Variants in KLF10 observed in about 807,000 individuals in gnomAD.
The protein encoded by KLF10 is KLF transcription factor 10.
In KLF10, 17 loss-of-function variants were observed where a neutral mutation model predicts 31.6. The observed-to-expected ratio is 0.54, with a 90% CI of 0.37 to 0.81. The LOEUF is 0.81. Among genes scored for constraint, KLF10 ranks in the 30% least tolerant of loss-of-function variants. KLF10 has a pLI of 0.00. For synonymous variants in KLF10, 239 were observed against 215.1 expected, an observed-to-expected ratio of 1.11 and a Z score of -0.97; for missense variants, 525 against 598.1, an observed-to-expected ratio of 0.88 and a Z score of 1.27.
chr8:102,653,778 A>G, intron 1 of KLF10: 1 of 1,089,254 alleles, frequency 9.2e-7, no homozygotes, highest in Non-Finnish European at 1.1e-6. Flanking sequence ...GGCGGCAGGG[A>G]AAGAGAGCGT....
chr8:102,651,863 G>GA lies in KLF10; in HGVS notation c.468dup (p.Arg157SerfsTer5). The GA allele has an allele frequency of 6.2e-7, 1 of 1,614,178 alleles. No homozygotes were observed. The highest frequency in any genetic ancestry group is 8.5e-7 in the Non-Finnish European group (1 of 1,180,032). ...CATAGCTGGGCATCAGCTGTATGACGAATCACACTTGTTGCCTGAGCTTTG... is the reference window on the plus strand; with the variant it reads ...CATAGCTGGGCATCAGCTGTATGACGAAATCACACTTGTTGCCTGAGCTTTG... On this transcript the variant is annotated frameshift_variant, in exon 3 of 4. Coordinates refer to ENST00000285407, the MANE Select transcript of KLF10 (RefSeq NM_005655.4). LOFTEE classifies it high-confidence loss of function.
Position 102,652,195 on chromosome 8 carries a change from C to A in KLF10, c.239G>T (p.Gly80Val). 2 of 1,603,940 alleles carry A rather than the reference C, an allele frequency of 1.2e-6. No homozygotes were observed. Among genetic ancestry groups the A allele is most frequent in the South Asian group, 1.1e-5 (1 of 89,458 alleles). The change falls in exon 2 of 4, where the codon GGA becomes GTA. Residue 80 changes from glycine (G) to valine (V), a missense_variant. Around this residue, in one of 3 missense-constraint regions of KLF10, gnomAD observed 434 missense variants for 450.7 expected, o/e 0.96. Coordinates refer to ENST00000285407, the MANE Select transcript of KLF10 (RefSeq NM_005655.4). Reference sequence around the variant, plus strand: ...TGGGATTGTATGAAAATCAGGTGTTCCCGGAAGCAGATTCTCTTCCTCTGA... The same window carrying A: ...TGGGATTGTATGAAAATCAGGTGTTACCGGAAGCAGATTCTCTTCCTCTGA... ...DLSEEENLLPGTPDFHTIPAF... is the reference protein window; with the variant it reads ...DLSEEENLLPVTPDFHTIPAF...
At chr8:102,652,724 T>C (rs1377533129) in intron 1 of KLF10, among the ~76,000 whole-genome samples, 1 of 152,144 alleles carries the variant, frequency 6.6e-6, no homozygotes, top group Non-Finnish European at 1.5e-5. Context: ...AGACGAAAAT[T>C]ATCAATGCAT....
chr8:102,654,927 G>A (rs1364340095), intron 1 of KLF10, among the ~76,000 whole-genome samples: 1 of 152,094 alleles, frequency 6.6e-6, no homozygotes, highest in East Asian at 1.9e-4. Flanking sequence ...TCGTCCCCCA[G>A]GGCTGTCGGC....
Position 102,651,786 on chromosome 8 carries a change from G to A in KLF10, c.546C>T (p.Asn182=). Residue 182 remains asparagine (N), a synonymous_variant, in exon 3 of 4, where the codon AAC becomes AAT. Transcript: ENST00000285407. ...GGTGGGTTCTTCTTCTAAAAGAATT[G>A]TTCTGATAGTTGAGGATGCTGGCTG... ...MKAASILNYQ[N]NSFRRRTHLN... 1 of 1,614,214 alleles carries A rather than the reference G, an allele frequency of 6.2e-7. No individual in the cohort carries two copies. Among genetic ancestry groups the A allele is most frequent in the South Asian group, 1.1e-5 (1 of 91,084 alleles).
chr8:102,653,739 CAA>C (rs1827277318), intron 1 of KLF10: 2 of 1,157,482 alleles, frequency 1.7e-6, no homozygotes, highest in East Asian at 8.1e-5. Flanking sequence ...CCCAAGACGC[CAA>C]TGCAAAAAAA....
chr8:102,650,230 G>C lies in KLF10; in HGVS notation c.1345C>G (p.Arg449Gly), dbSNP rs746202489. Residue 449 changes from arginine to glycine, a missense_variant, in exon 4 of 4, where the codon CGG becomes GGG. Coordinates refer to ENST00000285407, the MANE Select transcript of KLF10 (RefSeq NM_005655.4). ...MRSDHLTKHA[R>G]RHLSAKKLPN... ...AGCTTCTTGGCTGATAGATGGCGCC[G>C]GGCATGCTTGGTCAAATGGTCACTC... The C allele has an allele frequency of 4.3e-6, 7 of 1,614,156 alleles. No homozygotes were observed. Among genetic ancestry groups the C allele is most frequent in the Non-Finnish European group, 4.2e-6 (5 of 1,180,042 alleles).
At chr8:102,654,665 G>A (rs977717475) in intron 1 of KLF10, among the ~76,000 whole-genome samples, 2 of 151,238 alleles carry the variant, frequency 1.3e-5, no homozygotes, top group African/African-American at 4.9e-5. Flanking sequence ...GCTTCCGGCA[G>A]CTCCAGGCCC....
At chr8:102,651,057 G>C in intron 3 of KLF10, 92 bp downstream of exon 3, 2 of 1,233,250 alleles carry the variant, frequency 1.6e-6, no homozygotes, top group African/African-American at 3.0e-5. Context: ...CTAGCTAAAG[G>C]CAAGTTATTC....
rs776914488 is a variant in KLF10 at position 102,651,590 on chromosome 8, C to G, written c.742G>C (p.Val248Leu). The G allele has an allele frequency of 6.2e-7, 1 of 1,614,198 alleles. No homozygotes were observed. Among genetic ancestry groups the G allele is most frequent in the Admixed American group, 1.7e-5 (1 of 60,024 alleles). The change falls in exon 3 of 4, where the codon GTG becomes CTG. Residue 248 changes from valine to leucine, a missense_variant. Val to Leu is a conservative substitution (Grantham distance 32, BLOSUM62 1). Transcript: ENST00000285407. ...AACACTGACTTCTGTTGTGGGGACA[C>G]AGGGGCTGGCTGAGACCTGCAGATG... ...TVICRSQPAP[V>L]SPQQKSVLVS...
chr8:102,653,865 G>A, intron 1 of KLF10: 1 of 953,480 alleles, frequency 1.0e-6, no homozygotes, highest in Non-Finnish European at 1.3e-6. Context: ...GGAAGCGCGG[G>A]CGGAGGCGCG....
intron 1 of KLF10, chr8:102,654,087 GGGGCGT>G: frequency 3.9e-6 from 2 of 511,398 alleles, no homozygotes; most frequent in Non-Finnish European, 5.0e-6. Flanking sequence ...GCCCGGGGCG[GGGGCGT>G]GGGCGAGGAG....
At chr8:102,653,372 CA>C in intron 1 of KLF10, 1 of 1,059,818 alleles carries the variant, frequency 9.4e-7, no homozygotes, top group Non-Finnish European at 1.3e-6. Flanking sequence ...TGCTTGATGA[CA>C]AAATAACAGC....
Position 102,650,012 on chromosome 8 carries a change from G to A in KLF10, c.*120C>T, listed in dbSNP as rs1827166979. 2 of 1,332,584 alleles carry A rather than the reference G, an allele frequency of 1.5e-6. No homozygotes were observed. The highest frequency in any genetic ancestry group is 1.5e-5 in the African/African-American group (1 of 68,154). The allele number at this position is 1,332,584 out of a possible 1,614,324, so 82.5% of individuals were successfully genotyped here. ...CCAGGCGGGGCCTTCGTGCCAGGCT[G>A]TGGGGCTTCTGCTTTAAGCCCACGT... On this transcript the variant is annotated 3_prime_UTR_variant, in exon 4 of 4. Transcript: ENST00000285407.
rs11552577 is a variant in KLF10 at position 102,651,684 on chromosome 8, T to G, written c.648A>C (p.Thr216=). Residue 216 remains threonine, a synonymous_variant, in exon 3 of 4, where the codon ACA becomes ACC. Transcript: ENST00000285407. The part of the protein sequence containing the change: ...SPNRSKCERN[T]VADVDEKASA... ...TTGCTTTCTCATCAACATCTGCCAC[T>G]GTGTTTCTCTCACATTTGGATCTGT... 281,369 of 1,614,126 alleles carry G rather than the reference T, an allele frequency of 0.17. 26,451 individuals are homozygous for G. The highest frequency in any genetic ancestry group is 0.28 in the Admixed American group (16,610 of 60,026).
chr8:102,655,142 G>A (rs369704156), intron 1 of KLF10, among the ~76,000 whole-genome samples: 64 of 152,140 alleles, frequency 4.2e-4, no homozygotes, highest in African/African-American at 1.5e-3. Context: ...GCCAGACCGG[G>A]CATCTCTCCT....
intron 1 of KLF10, 77 bp downstream of exon 1, chr8:102,655,489 G>C: frequency 6.4e-7 from 1 of 1,568,152 alleles, no homozygotes; most frequent in Middle Eastern, 1.7e-4. Context: ...GATGTCCGGG[G>C]CTCGGGGTTC....
intron 1 of KLF10, among the ~76,000 whole-genome samples, chr8:102,652,969 T>C (rs1827253152): frequency 1.3e-5 from 2 of 152,170 alleles, no homozygotes; most frequent in African/African-American, 4.8e-5. Flanking sequence ...AGCTCTGGCC[T>C]GTTGTTATGG....
At chr8:102,653,384 A>C (rs1827263111) in intron 1 of KLF10, 6 of 1,120,172 alleles carry the variant, frequency 5.4e-6, no homozygotes, top group Non-Finnish European at 6.2e-6. Flanking sequence ...AAATAACAGC[A>C]CAGGTTTTGC....
Sources: allele counts gnomAD v4.1 joint callset (sites outside exome capture counted in the v4.1 genomes callset), GRCh38; gene constraint gnomAD v4.1.1; regional missense constraint gnomAD v4.1.1; transcripts MANE v1.5; gene names NCBI Gene and HGNC (gene_info 2026-07-23, HGNC 2026-07-21).